Variants in SLIT3 observed in about 807,000 individuals in gnomAD.
SLIT3 encodes slit homolog 3 protein.
In SLIT3, 68 loss-of-function variants were observed where a neutral mutation model predicts 184.0. The observed-to-expected ratio is 0.37, with a 90% confidence interval of 0.30 to 0.45. The LOEUF (loss-of-function observed/expected upper bound fraction) is 0.45. Among genes scored for constraint, SLIT3 ranks in the 20% least tolerant of loss-of-function variants. SLIT3 has a pLI of 1.00. For missense variants in SLIT3, 1,707 were observed against 2,026.0 expected, an observed-to-expected ratio of 0.84 and a Z score of 3.02; for synonymous variants, 831 against 828.6, an observed-to-expected ratio of 1.00 and a Z score of -0.05.
At chr5:168,779,088 C>T (rs138058954) in intron 12 of SLIT3, among the ~76,000 whole-genome samples, 55 of 152,354 alleles carry the variant, frequency 3.6e-4, no homozygotes, top group African/African-American at 1.3e-3. Flanking sequence ...TTACACACTT[C>T]ACAAGGCCAG....
chr5:168,780,191 G>T (rs1755921025), intron 12 of SLIT3, among the ~76,000 whole-genome samples: 1 of 152,256 alleles, frequency 6.6e-6, no homozygotes, highest in Non-Finnish European at 1.5e-5. Flanking sequence ...GGGTTATGTT[G>T]CCCCTCCCAC....
At position 169,300,369 on chromosome 5, in the gene SLIT3, G is replaced by C. The variant is rs1767644257; in HGVS notation, c.197+144C>G. ...ACCAAGCCTACAGACCCCCAGCTCGGAGAGTGAGGGATCGTATCCAGGAAG... is the reference window on the plus strand; with the variant it reads ...ACCAAGCCTACAGACCCCCAGCTCGCAGAGTGAGGGATCGTATCCAGGAAG... On this transcript the variant is annotated intron_variant, in intron 1 of 35. Coordinates refer to ENST00000519560, the MANE Select transcript of SLIT3 (RefSeq NM_003062.4). The surrounding 1 kb of genome is among the most constrained non-coding windows in gnomAD (Gnocchi z 4.1). The C allele has an allele frequency of 9.0e-7, 1 of 1,111,654 alleles. No individual in the cohort carries two copies. The highest frequency in any genetic ancestry group is 4.1e-5 in the Admixed American group (1 of 24,134). The allele number at this position is 1,111,654 out of a possible 1,614,324, so 68.9% of individuals were successfully genotyped here.
At chr5:168,887,764 C>T (rs932031017) in intron 4 of SLIT3, among the ~76,000 whole-genome samples, 1 of 152,162 alleles carries the variant, frequency 6.6e-6, no homozygotes, top group Non-Finnish European at 1.5e-5. Flanking sequence ...GCACTCTGCA[C>T]AGCACCTAGA....
intron 6 of SLIT3, among the ~76,000 whole-genome samples, chr5:168,825,035 GT>G (rs1428401232): frequency 1.3e-5 from 2 of 152,178 alleles, no homozygotes; most frequent in Non-Finnish European, 2.9e-5. Context: ...TCCGAATTGT[GT>G]GGCCTTGGGC....
chr5:168,724,993 T>C (rs1277765385), intron 20 of SLIT3, among the ~76,000 whole-genome samples: 1 of 152,142 alleles, frequency 6.6e-6, no homozygotes, highest in Admixed American at 6.5e-5. Flanking sequence ...CCGGAAGCTG[T>C]TGGGAGAACT....
intron 10 of SLIT3, among the ~76,000 whole-genome samples, chr5:168,795,048 G>C (rs377710379): frequency 2.6e-5 from 4 of 152,228 alleles, no homozygotes; most frequent in African/African-American, 9.6e-5. Flanking sequence ...TCTATCCATA[G>C]ATCCTTGCTT....
intron 8 of SLIT3, among the ~76,000 whole-genome samples, chr5:168,813,325 A>C (rs1757227367): frequency 6.6e-6 from 1 of 152,010 alleles, no homozygotes; most frequent in South Asian, 2.1e-4. Flanking sequence ...AAAAAAAAAA[A>C]AAAAACCAAC....
chr5:169,269,175 G>A (rs986886619), intron 1 of SLIT3, among the ~76,000 whole-genome samples: 4 of 152,116 alleles, frequency 2.6e-5, no homozygotes, highest in African/African-American at 7.2e-5. Flanking sequence ...AGGGCTGTGG[G>A]GGTTCACCTT....
intron 4 of SLIT3, among the ~76,000 whole-genome samples, chr5:169,023,219 A>T (rs770134439): frequency 6.6e-6 from 1 of 152,042 alleles, no homozygotes; most frequent in Non-Finnish European, 1.5e-5. Flanking sequence ...GATCCTGAAC[A>T]CTCAGGCTTT....
intron 4 of SLIT3, among the ~76,000 whole-genome samples, chr5:169,135,631 C>T (rs1761474991): frequency 6.6e-6 from 1 of 152,162 alleles, no homozygotes; most frequent in Admixed American, 6.5e-5. Context: ...TTTATATATG[C>T]TTCTGTTTCC....
rs1287739676 is a variant in SLIT3, at chr5:168,666,567, A to T, written c.4459T>A (p.Cys1487Ser). The change falls in exon 36 of 36, where the codon TGC becomes AGC. Residue 1487 changes from cysteine to serine, a missense_variant. By Grantham distance (112) the Cys-to-Ser change is moderately radical. Coordinates refer to ENST00000519560, the MANE Select transcript of SLIT3 (RefSeq NM_003062.4). ...ECRGGCGPQC[C>S]QPTRSKRRKY... ...CGCCGCTTGCTGCGGGTGGGCTGGC[A>T]GCACTGGGGCCCACAGCCCCCACGA... 1 of 1,614,022 alleles carries T rather than the reference A, an allele frequency of 6.2e-7. No individual in the cohort carries two copies. Among genetic ancestry groups the T allele is most frequent in the Non-Finnish European group, 8.5e-7 (1 of 1,180,014 alleles).
At chr5:169,163,633 C>A (rs1343663751) in intron 4 of SLIT3, among the ~76,000 whole-genome samples, 1 of 152,174 alleles carries the variant, frequency 6.6e-6, no homozygotes, top group Non-Finnish European at 1.5e-5. Flanking sequence ...CTGATTCTCC[C>A]TGATTTCTCC....
chr5:169,073,144 CCT>C (rs566970582), intron 4 of SLIT3, among the ~76,000 whole-genome samples: 118 of 152,342 alleles, frequency 7.7e-4, no homozygotes, highest in African/African-American at 2.1e-3. Context: ...TACACCGCCA[CCT>C]CTCTTTTCCC....
At chr5:169,290,166 CATGCTAGGGCAT>C (rs1436059692) in intron 1 of SLIT3, among the ~76,000 whole-genome samples, 2 of 151,682 alleles carry the variant, frequency 1.3e-5, no homozygotes, top group African/African-American at 2.4e-5. Context: ...TGCTAGGGCA[CATGCTAGGGCAT>C]ATGCTAGGGT....
At chr5:168,856,805 G>GCA (rs1758891533) in intron 5 of SLIT3, among the ~76,000 whole-genome samples, 1 of 139,238 alleles carries the variant, frequency 7.2e-6, no homozygotes, top group Non-Finnish European at 1.5e-5. Flanking sequence ...GTGTGTGTGT[G>GCA]TGCGCGCGCG....
At chr5:169,181,072 C>T (rs182634968) in intron 4 of SLIT3, among the ~76,000 whole-genome samples, 1 of 152,296 alleles carries the variant, frequency 6.6e-6, no homozygotes, top group Non-Finnish European at 1.5e-5. Flanking sequence ...CCAAAAACAC[C>T]AATTATGAGC....
chr5:169,068,842 C>CA (rs5873146), intron 4 of SLIT3, among the ~76,000 whole-genome samples: 63,846 of 149,568 alleles, frequency 0.43, 14,233 homozygotes, highest in South Asian at 0.57. Flanking sequence ...TTAAAAGCCT[C>CA]AAAAAAAAAA....
chr5:169,297,875 C>G (rs529831121), intron 1 of SLIT3, among the ~76,000 whole-genome samples: 31 of 152,364 alleles, frequency 2.0e-4, no homozygotes, highest in African/African-American at 7.5e-4. Flanking sequence ...GCTGGGATAA[C>G]AGGCATGAGC....
intron 6 of SLIT3, among the ~76,000 whole-genome samples, chr5:168,837,015 C>T (rs548072189): frequency 7.9e-5 from 12 of 152,008 alleles, no homozygotes; most frequent in Non-Finnish European, 1.3e-4. Flanking sequence ...TTCTCAAAAC[C>T]AAGCTAGTCA....
Sources: gnomAD v4.1 joint callset for allele counts (sites outside exome capture counted in the v4.1 genomes callset) on GRCh38, gnomAD v4.1.1 for gene constraint, Gnocchi (gnomAD v3.1) non-coding constraint, MANE v1.5 for transcripts, NCBI Gene and HGNC (gene_info 2026-07-23, HGNC 2026-07-21) for gene names.